The following COL12A1 variants were observed in gnomAD, a reference collection of about 807,000 sequenced individuals.
The protein encoded by COL12A1 is collagen type XII alpha 1 chain, also known as collagen alpha-1(XII) chain.
Under a neutral mutation model 349.7 loss-of-function variants are expected in COL12A1, and 114 were observed. The observed-to-expected ratio is 0.33, with a 90% CI of 0.28 to 0.38. COL12A1 has a LOEUF of 0.38. COL12A1 is among the 10% of genes least tolerant of loss of function. The pLI, the probability that COL12A1 is intolerant of heterozygous loss-of-function variation, is 1.00. For synonymous variants in COL12A1, 1,369 were observed against 1,329.0 expected (o/e 1.03, Z -0.66); for missense variants, 3,284 against 3,756.9 (o/e 0.87, Z 3.29).
chr6:75,188,996 A>G (rs1406168745), intron 7 of COL12A1, among the ~76,000 whole-genome samples: 2 of 152,104 alleles, frequency 1.3e-5, no homozygotes, highest in African/African-American at 4.8e-5. Flanking sequence ...AAGAATGTGA[A>G]TACCACCTTC....
At chr6:75,115,013 T>TG (rs1328282110) in intron 49 of COL12A1, among the ~76,000 whole-genome samples, 1 of 152,126 alleles carries the variant, frequency 6.6e-6, no homozygotes, top group Non-Finnish European at 1.5e-5. Context: ...TTAAAGGAGT[T>TG]AGAGACTTAC....
At chr6:75,161,013 T>G (rs1400294247) in intron 14 of COL12A1, among the ~76,000 whole-genome samples, 1 of 152,100 alleles carries the variant, frequency 6.6e-6, no homozygotes, top group East Asian at 1.9e-4. Flanking sequence ...CAGTTAAGGG[T>G]CACAGTGGAC....
At chr6:75,173,401 A>G (rs569387413) in intron 13 of COL12A1, among the ~76,000 whole-genome samples, 2 of 150,650 alleles carry the variant, frequency 1.3e-5, no homozygotes, top group East Asian at 3.9e-4. Flanking sequence ...TTTGAGATGG[A>G]GTTTCATTCT....
rs780299636 is a variant in COL12A1, at chr6:75,177,894, T to G, written c.2206A>C (p.Thr736Pro). ...GTCCAAGTAATTTTGAAACTATCTG[T>G]AGTCTCATCTGTCACCTTTAGGTTT... ...PRNLKVTDET[T>P]DSFKITWTQA... The change falls in exon 12 of 66, where the codon ACA becomes CCA. Residue 736 changes from threonine to proline, a missense_variant. Around this residue, in one of 2 missense-constraint regions of COL12A1, gnomAD observed 2,601 missense variants for 2,824.8 expected, o/e 0.92. Transcript: ENST00000322507. The G allele has an allele frequency of 1.2e-6, 2 of 1,612,820 alleles. No homozygotes were observed. Among genetic ancestry groups the G allele is most frequent in the Middle Eastern group, 1.7e-4 (1 of 6,044 alleles).
chr6:75,086,618 A>C, intron 65 of COL12A1, 61 bp from the exon 66 acceptor site: 1 of 1,337,758 alleles, frequency 7.5e-7, no homozygotes, highest in Non-Finnish European at 1.1e-6. Context: ...AAATATAAAT[A>C]CACATCCATC....
chr6:75,200,156 C>G (rs1311707351), intron 2 of COL12A1, among the ~76,000 whole-genome samples: 2 of 152,150 alleles, frequency 1.3e-5, no homozygotes, highest in African/African-American at 4.8e-5. Flanking sequence ...CCAGTGACCC[C>G]AGAAAGGCTT....
intron 5 of COL12A1, 73 bp downstream of exon 5, chr6:75,191,628 A>G: frequency 1.0e-6 from 1 of 985,276 alleles, no homozygotes; most frequent in Non-Finnish European, 1.5e-6. Flanking sequence ...TATGTATATA[A>G]TTGGAACATC....
intron 37 of COL12A1, among the ~76,000 whole-genome samples, chr6:75,128,647 G>A (rs1182232988): frequency 2.0e-5 from 3 of 152,290 alleles, no homozygotes; most frequent in East Asian, 1.9e-4. Context: ...TCCCAGATCA[G>A]CCACTTAACA....
chr6:75,132,280 A>C (rs545645732), intron 34 of COL12A1, among the ~76,000 whole-genome samples, 198 bp from the exon 35 acceptor site: 1 of 152,308 alleles, frequency 6.6e-6, no homozygotes, highest in Non-Finnish European at 1.5e-5. Context: ...GCCTTTGTCT[A>C]TAAGGAAGCA....
At chr6:75,173,879 T>C (rs1475127087) in intron 13 of COL12A1, among the ~76,000 whole-genome samples, 1 of 152,136 alleles carries the variant, frequency 6.6e-6, no homozygotes. Flanking sequence ...TTCATTTTCT[T>C]CCTATAATCA....
chr6:75,129,281 AG>A (rs1766180205), intron 37 of COL12A1, among the ~76,000 whole-genome samples: 1 of 152,220 alleles, frequency 6.6e-6, no homozygotes, highest in Non-Finnish European at 1.5e-5. Context: ...CTTGAATTAA[AG>A]GTTACTATAT....
chr6:75,126,399 G>C lies in COL12A1; in HGVS notation c.6412C>G (p.Pro2138Ala). The C allele has an allele frequency of 6.2e-7, 1 of 1,611,670 alleles. No homozygotes were observed. The highest frequency in any genetic ancestry group is 8.5e-7 in the Non-Finnish European group (1 of 1,178,120). The change falls in exon 39 of 66, where the codon CCT (proline) becomes GCT (alanine). Residue 2138 changes from proline to alanine, a missense_variant. Around this residue, in one of 2 missense-constraint regions of COL12A1, gnomAD observed 2,601 missense variants for 2,824.8 expected, o/e 0.92. Transcript: ENST00000322507. Reference protein sequence around the residue: ...WYTRFRVSWDPSPSPVLGYKI... With the variant: ...WYTRFRVSWDASPSPVLGYKI... ...TATCCAAGAACTGGAGAAGGTGAAGGATCCCAGGACACCCTGAATCTTGTA... is the reference window on the plus strand; with the variant it reads ...TATCCAAGAACTGGAGAAGGTGAAGCATCCCAGGACACCCTGAATCTTGTA...
intron 22 of COL12A1, 61 bp from the exon 23 acceptor site, chr6:75,147,865 A>G: frequency 1.9e-6 from 3 of 1,558,144 alleles, no homozygotes; most frequent in Non-Finnish European, 2.6e-6. Flanking sequence ...TTTTCCTACT[A>G]TACTTACAAA....
At chr6:75,106,934 C>G (rs1176635475) in intron 52 of COL12A1, among the ~76,000 whole-genome samples, 1 of 116,490 alleles carries the variant, frequency 8.6e-6, no homozygotes, top group East Asian at 2.8e-4. Context: ...CAGAGTCCCA[C>G]TCTGTTGCCC....
chr6:75,139,238 T>C (rs183451594), intron 27 of COL12A1, among the ~76,000 whole-genome samples: 1 of 152,166 alleles, frequency 6.6e-6, no homozygotes, highest in African/African-American at 2.4e-5. Context: ...ATCAACACTA[T>C]GGACTCTTTC....
chr6:75,175,758 T>C (rs539138667), intron 12 of COL12A1, among the ~76,000 whole-genome samples: 3 of 152,266 alleles, frequency 2.0e-5, no homozygotes, highest in Non-Finnish European at 4.4e-5. Context: ...AATTCTGATA[T>C]AATAAAAATG....
chr6:75,204,833 C>A (rs1174754172), intron 1 of COL12A1, among the ~76,000 whole-genome samples: 2 of 152,126 alleles, frequency 1.3e-5, no homozygotes, highest in Admixed American at 1.3e-4. Context: ...CTCTCCCACC[C>A]ACCACGACCT....
At chr6:75,195,251 C>T (rs1272350004) in intron 2 of COL12A1, among the ~76,000 whole-genome samples, 1 of 152,094 alleles carries the variant, frequency 6.6e-6, no homozygotes, top group Non-Finnish European at 1.5e-5. Flanking sequence ...CATACAAGTA[C>T]AATGAAATCA....
rs371386011 is a variant in COL12A1 at position 75,091,193 on chromosome 6, A to G, written c.8752+130T>C. On this transcript the variant is annotated intron_variant, in intron 62 of 65. Coordinates refer to ENST00000322507, the MANE Select transcript of COL12A1 (RefSeq NM_004370.6). ...TAATCAGATACAAAACTGACAATGT[A>G]TAAGAACAAAAGCTTATCAAATGAA... 11 of 710,498 alleles carry G rather than the reference A, an allele frequency of 1.5e-5. No individual in the cohort carries two copies. In the African/African-American group the frequency reaches 1.8e-4, roughly 12 times the overall value. The allele number at this position is 710,498 out of a possible 1,614,324, so 44.0% of individuals were successfully genotyped here. A position where few individuals can be genotyped will look rare whatever the true frequency, so the allele number is the denominator to read the frequency against.
Sources: gnomAD v4.1 joint callset for allele counts (sites outside exome capture counted in the v4.1 genomes callset) on GRCh38, gnomAD v4.1.1 for gene constraint, gnomAD v4.1.1 regional missense constraint, MANE v1.5 for transcripts, NCBI Gene and HGNC (gene_info 2026-07-23, HGNC 2026-07-21) for gene names.